The following AGMO variants were observed in gnomAD, a reference collection of about 807,000 sequenced individuals.
The protein encoded by AGMO is alkylglycerol monooxygenase, also known as glyceryl-ether monooxygenase.
In AGMO, 75 loss-of-function variants were observed where a neutral mutation model predicts 60.2. The observed-to-expected ratio is 1.25, with a 90% CI of 1.03 to 1.51. The LOEUF is 1.51. Among genes scored for constraint, AGMO ranks in the 40% most tolerant of loss-of-function variants. AGMO has a pLI of 0.00. For missense variants in AGMO, 763 were observed against 525.5 expected (o/e 1.45, Z -4.42); for synonymous variants, 261 against 177.1 (o/e 1.47, Z -3.76).
the AGMO span, among the ~76,000 whole-genome samples, chr7:15,141,264 A>T: frequency 9.2e-5 from 14 of 152,144 alleles, no homozygotes; most frequent in South Asian, 2.7e-3. Flanking sequence ...GAGACTTCTG[A>T]TTAATTAACT....
In AGMO at chr7:15,411,914, G is replaced by T. The variant is rs530178163; in HGVS notation, c.609+6644C>A. ...TGAGTAAATTTAATATAATTTTGAA[G>T]ATTAGATAAATACTCTTAGACTTCC... On this transcript the variant is annotated intron_variant, in intron 5 of 12. Coordinates refer to ENST00000342526, the MANE Select transcript of AGMO (RefSeq NM_001004320.2). Among the ~76,000 whole-genome samples the T allele has an allele frequency of 9.9e-5, 15 of 152,058 alleles. No homozygotes were observed. The South Asian group carries it at 3.1e-3, about 32-fold the overall frequency.
chr7:15,147,694 G>C, the AGMO span, among the ~76,000 whole-genome samples: 1 of 152,172 alleles, frequency 6.6e-6, no homozygotes, highest in Non-Finnish European at 1.5e-5. Context: ...GCTCCATTTT[G>C]GGTGGCTGTG....
the AGMO span, among the ~76,000 whole-genome samples, chr7:15,146,062 T>C: frequency 6.6e-6 from 1 of 152,110 alleles, no homozygotes; most frequent in African/African-American, 2.4e-5. Flanking sequence ...TATTAAAAAC[T>C]AACGAAACAG....
intron 12 of AGMO, among the ~76,000 whole-genome samples, chr7:15,229,704 ATATATATATTATATTATATATAAAT>A (rs1337478524): frequency 6.6e-5 from 9 of 136,264 alleles, no homozygotes; most frequent in Admixed American, 2.2e-4. Context: ...CTAATTATTT[ATATATATATTATATTATATATAAAT>A]TATATATTAT....
chr7:15,372,236 A>C (rs962083944), intron 10 of AGMO, among the ~76,000 whole-genome samples: 1 of 152,066 alleles, frequency 6.6e-6, no homozygotes, highest in African/African-American at 2.4e-5. Flanking sequence ...GGATCACTTG[A>C]GGTCAGGAGT....
chr7:15,133,951 T>G, the AGMO span, among the ~76,000 whole-genome samples: 12 of 152,262 alleles, frequency 7.9e-5, no homozygotes, highest in African/African-American at 2.4e-4. Flanking sequence ...TTGTTCCAGT[T>G]CTTAAGCACA....
rs1782431489 is a variant in AGMO at position 15,470,730 on chromosome 7, T to G, written c.410-39622A>C. On this transcript the variant is annotated intron_variant, in intron 3 of 12. Transcript: ENST00000342526. The stretch of plus-strand genomic sequence containing the variant: ...TTTAATTCTCAACATAAACATTACT[T>G]TTTGTTACTTTGAAAGAGTTTGAAA... Among the ~76,000 whole-genome samples, 4 of 151,924 alleles carry G rather than the reference T, an allele frequency of 2.6e-5. No homozygotes were observed. In the South Asian group the frequency reaches 8.3e-4, roughly 31 times the overall value.
intron 12 of AGMO, among the ~76,000 whole-genome samples, chr7:15,202,133 A>G (rs956455627): frequency 6.6e-6 from 1 of 152,052 alleles, no homozygotes; most frequent in African/African-American, 2.4e-5. Context: ...AAACAACCAG[A>G]GTTATTGGGA....
At chr7:15,419,592 G>A (rs1411555501) in intron 4 of AGMO, among the ~76,000 whole-genome samples, 2 of 151,862 alleles carry the variant, frequency 1.3e-5, no homozygotes, top group Non-Finnish European at 2.9e-5. Flanking sequence ...AGGATGTTTA[G>A]CAATGATTAT....
chr7:15,286,580 G>A (rs1332858959), intron 12 of AGMO, among the ~76,000 whole-genome samples: 1 of 151,974 alleles, frequency 6.6e-6, no homozygotes, highest in Non-Finnish European at 1.5e-5. Flanking sequence ...AAGAATAGAT[G>A]TTTGTGCAGG....
At chr7:15,517,370 C>A (rs896988719) in intron 3 of AGMO, among the ~76,000 whole-genome samples, 1 of 150,936 alleles carries the variant, frequency 6.6e-6, no homozygotes, top group African/African-American at 2.4e-5. Context: ...CCCAGATTCC[C>A]GAGCAAGATG....
chr7:15,370,328 T>C (rs531780271), intron 10 of AGMO, among the ~76,000 whole-genome samples: 116 of 152,344 alleles, frequency 7.6e-4, no homozygotes, highest in African/African-American at 2.5e-3. Context: ...GTTGCTTCCA[T>C]GTCTTTGCTA....
chr7:15,361,979 G>C (rs1174271405), intron 12 of AGMO, among the ~76,000 whole-genome samples: 3 of 152,064 alleles, frequency 2.0e-5, no homozygotes, highest in Non-Finnish European at 4.4e-5. Context: ...GGGATTTATT[G>C]CTTCACTGAC....
intron 12 of AGMO, among the ~76,000 whole-genome samples, chr7:15,283,293 T>C (rs1353709646): frequency 3.3e-5 from 5 of 152,062 alleles, no homozygotes; most frequent in African/African-American, 4.8e-5. Context: ...ATTGGCAGAA[T>C]AGATTAAAAC....
rs774065679 is a variant in AGMO, at chr7:15,299,886, C to CACACACACACACACAA, written c.1263+65627_1263+65628insTTGTGTGTGTGTGTGT. ...ACACACACACACACACACACACACA[C>CACACACACACACACAA]AGTATGTTTTGTGTTCAACATATCC... is the stretch of plus-strand genomic sequence containing the variant. On this transcript the variant is annotated intron_variant, in intron 12 of 12. Transcript: ENST00000342526. Among the ~76,000 whole-genome samples the CACACACACACACACAA allele has an allele frequency of 2.8e-4, 32 of 114,690 alleles. 1 individual carries two copies. Among genetic ancestry groups the CACACACACACACACAA allele is most frequent in the East Asian group, 4.7e-4 (2 of 4,268 alleles). 75.2% of individuals were successfully genotyped at this position (114,690 alleles called of 152,430 possible).
the AGMO span, among the ~76,000 whole-genome samples, chr7:15,186,801 T>G: frequency 9.9e-4 from 151 of 152,302 alleles, no homozygotes; most frequent in African/African-American, 3.5e-3. Context: ...ACATGCTTCC[T>G]TCTCATTCCA....
At chr7:15,346,924 C>T (rs752895635) in intron 12 of AGMO, among the ~76,000 whole-genome samples, 2 of 151,828 alleles carry the variant, frequency 1.3e-5, no homozygotes, top group Admixed American at 6.6e-5. Context: ...CATGGAAAAA[C>T]GACTCTTTGG....
At chr7:15,178,277 A>T in the AGMO span, among the ~76,000 whole-genome samples, 1 of 152,148 alleles carries the variant, frequency 6.6e-6, no homozygotes, top group Non-Finnish European at 1.5e-5. Context: ...CTTGATTCTA[A>T]CTACTGACTT....
At chr7:15,362,961 A>C (rs1356970817) in intron 12 of AGMO, among the ~76,000 whole-genome samples, 1 of 152,174 alleles carries the variant, frequency 6.6e-6, no homozygotes, top group Non-Finnish European at 1.5e-5. Context: ...TGACTTATTC[A>C]CTTAATAGTT....
Sources: allele counts gnomAD v4.1 joint callset (sites outside exome capture counted in the v4.1 genomes callset), GRCh38; gene constraint gnomAD v4.1.1; transcripts MANE v1.5; gene names NCBI Gene and HGNC (gene_info 2026-07-23, HGNC 2026-07-21).